EBF2: variants seen among roughly 807,000 people sequenced by gnomAD.
EBF2 encodes transcription factor COE2.
A neutral mutation model predicts 72.8 loss-of-function variants in EBF2; 21 were observed. That is an observed-to-expected ratio of 0.29 (90% CI 0.20 to 0.42). The LOEUF (loss-of-function observed/expected upper bound fraction) is 0.42. Among genes scored for constraint, EBF2 ranks in the 10% least tolerant of loss-of-function variants. EBF2 has a pLI of 1.00. For missense variants in EBF2, 637 were observed against 731.2 expected, an observed-to-expected ratio of 0.87 and a Z score of 1.49; for synonymous variants, 299 against 274.2, an observed-to-expected ratio of 1.09 and a Z score of -0.89.
At chr8:25,887,998 A>G in intron 8 of EBF2, 26 bp from the exon 9 acceptor site, 1 of 1,588,384 alleles carries the variant, frequency 6.3e-7, no homozygotes, top group Non-Finnish European at 8.6e-7. Context: ...AGAAAAAGTC[A>G]GGTTTGTTCT....
intron 6 of EBF2, among the ~76,000 whole-genome samples, chr8:26,031,047 G>A (rs1805394968): frequency 6.6e-6 from 1 of 152,192 alleles, no homozygotes; most frequent in Non-Finnish European, 1.5e-5. Context: ...GAGCCATTAA[G>A]GTGTGTACTT....
chr8:26,039,907 G>T, intron 5 of EBF2, 121 bp downstream of exon 5: 1 of 990,024 alleles, frequency 1.0e-6, no homozygotes, highest in Non-Finnish European at 1.6e-6. Context: ...CCGTCTGCCC[G>T]CGAGGCCTCC....
chr8:25,891,304 G>C (rs911070066), intron 7 of EBF2, among the ~76,000 whole-genome samples: 5 of 152,016 alleles, frequency 3.3e-5, no homozygotes, highest in African/African-American at 1.2e-4. Flanking sequence ...CGAATCACTT[G>C]ACCCAGAAGA....
chr8:25,867,189 A>G (rs1802346478), intron 10 of EBF2, among the ~76,000 whole-genome samples: 1 of 152,218 alleles, frequency 6.6e-6, no homozygotes, highest in African/African-American at 2.4e-5. Flanking sequence ...ATTAATAACT[A>G]GGATTGTGTG....
chr8:26,031,260 C>T (rs905203773), intron 6 of EBF2, among the ~76,000 whole-genome samples: 3 of 152,084 alleles, frequency 2.0e-5, no homozygotes, highest in African/African-American at 7.2e-5. Context: ...CTAGGCTGCT[C>T]TCATATGCAT....
chr8:25,915,759 C>T (rs1280117510), intron 6 of EBF2, among the ~76,000 whole-genome samples: 2 of 152,104 alleles, frequency 1.3e-5, no homozygotes, highest in Non-Finnish European at 2.9e-5. Context: ...GGAATCAAGT[C>T]ACCAAGGCTA....
intron 6 of EBF2, among the ~76,000 whole-genome samples, chr8:26,024,428 C>T (rs1805264815): frequency 6.6e-6 from 1 of 152,138 alleles, no homozygotes; most frequent in African/African-American, 2.4e-5. Context: ...CTTATTATCC[C>T]TAAGACCCCA....
At chr8:25,985,380 C>G (rs1804432875) in intron 6 of EBF2, among the ~76,000 whole-genome samples, 1 of 152,220 alleles carries the variant, frequency 6.6e-6, no homozygotes, top group African/African-American at 2.4e-5. Flanking sequence ...GGCCTCCAGA[C>G]AGCAAGGCAG....
intron 6 of EBF2, among the ~76,000 whole-genome samples, chr8:26,030,896 T>TTTCTTTCTATAGACACAAAGA (rs1805390880): frequency 6.6e-6 from 1 of 152,262 alleles, no homozygotes; most frequent in Non-Finnish European, 1.5e-5. Context: ...ATGAAAATCT[T>TTTCTTTCTATAGACACAAAGA]TTCTTTCTAT....
At chr8:25,872,673 G>A (rs1348284600) in intron 10 of EBF2, among the ~76,000 whole-genome samples, 1 of 134,758 alleles carries the variant, frequency 7.4e-6, no homozygotes, top group Non-Finnish European at 1.6e-5. Context: ...TGCATTGTAA[G>A]AAAGCAAACA....
At position 25,991,779 on chromosome 8, in the gene EBF2, G is replaced by A. The variant is rs1804548355; in HGVS notation, c.551+41306C>T. Among the ~76,000 whole-genome samples the A allele has an allele frequency of 3.3e-5, 5 of 152,250 alleles. No homozygotes were observed. The South Asian group carries it at 6.2e-4, about 19-fold the overall frequency. Reference sequence around the variant, plus strand: ...GAGAATCGCTTGTACCCAGGAGGCAGAGGTTGTAGTGAGCCGAGATCGCAC... The same window carrying A: ...GAGAATCGCTTGTACCCAGGAGGCAAAGGTTGTAGTGAGCCGAGATCGCAC... On this transcript the variant is annotated intron_variant, in intron 6 of 15. Transcript: ENST00000520164.
intron 6 of EBF2, among the ~76,000 whole-genome samples, chr8:26,023,737 G>A (rs1024288496): frequency 1.9e-4 from 29 of 152,162 alleles, no homozygotes; most frequent in African/African-American, 7.0e-4. Context: ...ACGTACTCAT[G>A]GGGACAAGCG....
chr8:25,923,937 T>G (rs1803344774), intron 6 of EBF2, among the ~76,000 whole-genome samples: 2 of 151,976 alleles, frequency 1.3e-5, no homozygotes, highest in Admixed American at 1.3e-4. Context: ...ATGCTTCTCC[T>G]AATGAGATGA....
chr8:25,942,286 A>G (rs1383239032), intron 6 of EBF2, among the ~76,000 whole-genome samples: 1 of 152,242 alleles, frequency 6.6e-6, no homozygotes, highest in Non-Finnish European at 1.5e-5. Context: ...TACATGTGCA[A>G]TTCTATCAGA....
chr8:26,033,324 G>A (rs1020831364), intron 5 of EBF2, among the ~76,000 whole-genome samples, 171 bp from the exon 6 acceptor site: 7 of 152,140 alleles, frequency 4.6e-5, no homozygotes, highest in Non-Finnish European at 1.0e-4. Context: ...CTGCCTCCTG[G>A]GTTCAAGCAA....
intron 6 of EBF2, among the ~76,000 whole-genome samples, chr8:25,926,282 G>A (rs144215636): frequency 2.0e-5 from 3 of 152,102 alleles, no homozygotes; most frequent in African/African-American, 4.8e-5. Context: ...TCCAAGGCAG[G>A]CTGGCTCCCC....
At chr8:26,018,602 C>T (rs1805152797) in intron 6 of EBF2, among the ~76,000 whole-genome samples, 1 of 150,766 alleles carries the variant, frequency 6.6e-6, no homozygotes, top group Non-Finnish European at 1.5e-5. Context: ...ACCCGGGAGG[C>T]GGAGGTTGCA....
At chr8:25,986,700 G>T (rs1383712125) in intron 6 of EBF2, among the ~76,000 whole-genome samples, 1 of 152,034 alleles carries the variant, frequency 6.6e-6, no homozygotes. Context: ...CTTTTTAGGG[G>T]GATGGCACAA....
At position 25,953,736 on chromosome 8, in the gene EBF2, G is replaced by A. The variant is rs1803899210; in HGVS notation, c.552-45181C>T. 2.0e-5 allele frequency among the ~76,000 whole-genome samples: 3 copies of A among 152,188 alleles called. No individual in the cohort carries two copies. The South Asian group carries it at 6.2e-4, about 32-fold the overall frequency. On this transcript the variant is annotated intron_variant, in intron 6 of 15. Coordinates refer to ENST00000520164, the MANE Select transcript of EBF2 (RefSeq NM_022659.4). The stretch of plus-strand genomic sequence containing the variant: ...GCTGTGGAGACTCCTTCTGGCTCCA[G>A]TGCCTATTGGCTCCAAAGCCCACTC...
Sources: gnomAD v4.1 joint callset for allele counts (sites outside exome capture counted in the v4.1 genomes callset) on GRCh38, gnomAD v4.1.1 for gene constraint, MANE v1.5 for transcripts, NCBI Gene and HGNC (gene_info 2026-07-23, HGNC 2026-07-21) for gene names.